The following PTPRJ variants were observed in gnomAD, a reference collection of about 807,000 sequenced individuals.
The protein encoded by PTPRJ is protein tyrosine phosphatase receptor type J.
In PTPRJ, 129 loss-of-function variants were observed where a neutral mutation model predicts 141.3. The ratio of observed to expected loss-of-function variants is 0.91; its 90% CI spans 0.79 to 1.06. PTPRJ has a LOEUF of 1.06. Ranked by LOEUF, PTPRJ falls within the 50% of genes least tolerant of loss-of-function variation. The pLI is 0.00. For missense variants in PTPRJ, 1,601 were observed against 1,679.7 expected (o/e 0.95, Z 0.82); for synonymous variants, 610 against 640.5 (o/e 0.95, Z 0.72).
At chr11:47,989,255 T>G (rs534713040) in intron 1 of PTPRJ, among the ~76,000 whole-genome samples, 202 of 151,642 alleles carry the variant, frequency 1.3e-3, no homozygotes, top group Non-Finnish European at 2.4e-3. Context: ...CTCTGCTTCT[T>G]CTTCTTTTTT....
chr11:48,026,996 C>CCT (rs1853831303), intron 1 of PTPRJ, among the ~76,000 whole-genome samples: 1 of 113,230 alleles, frequency 8.8e-6, no homozygotes, highest in African/African-American at 3.7e-5. Context: ...TTGGAATACC[C>CCT]TTTTTTTTTT....
At chr11:47,996,848 G>A (rs1590391017) in intron 1 of PTPRJ, among the ~76,000 whole-genome samples, 1 of 152,186 alleles carries the variant, frequency 6.6e-6, no homozygotes, top group African/African-American at 2.4e-5. Flanking sequence ...GGGGTGCAGG[G>A]GTGGAAGCTC....
chr11:48,128,495 C>T (rs1856896379), intron 7 of PTPRJ, among the ~76,000 whole-genome samples: 1 of 151,852 alleles, frequency 6.6e-6, no homozygotes, highest in Admixed American at 6.6e-5. Flanking sequence ...TTTAAATGTC[C>T]CTTAAAAATA....
At chr11:48,006,121 T>C (rs548722081) in intron 1 of PTPRJ, among the ~76,000 whole-genome samples, 9 of 152,290 alleles carry the variant, frequency 5.9e-5, no homozygotes, top group African/African-American at 1.4e-4. Context: ...AGAACCGCTG[T>C]GATGGGAGAA....
chr11:47,988,608 C>T (rs952324477), intron 1 of PTPRJ, among the ~76,000 whole-genome samples: 2 of 152,160 alleles, frequency 1.3e-5, no homozygotes, highest in African/African-American at 4.8e-5. Flanking sequence ...CCTGTCCCGT[C>T]ACAAATCATA....
intron 1 of PTPRJ, among the ~76,000 whole-genome samples, chr11:47,998,119 T>A (rs142064821): frequency 4.4e-4 from 67 of 151,358 alleles, no homozygotes; most frequent in African/African-American, 1.6e-3. Context: ...CTTCAATCCT[T>A]GATTTTTTTT....
At chr11:48,004,523 G>T (rs953302597) in intron 1 of PTPRJ, among the ~76,000 whole-genome samples, 8 of 152,146 alleles carry the variant, frequency 5.3e-5, no homozygotes, top group Non-Finnish European at 8.8e-5. Flanking sequence ...CAGCTTAGTT[G>T]GGGAGATAGA....
At chr11:48,119,896 G>A (rs1193848601) in intron 3 of PTPRJ, among the ~76,000 whole-genome samples, 1 of 152,198 alleles carries the variant, frequency 6.6e-6, no homozygotes, top group Non-Finnish European at 1.5e-5. Context: ...TTACTCCTCA[G>A]TCTTCAGCTC....
intron 11 of PTPRJ, among the ~76,000 whole-genome samples, chr11:48,141,965 A>ATTTTTTT (rs1857241331): frequency 6.8e-6 from 1 of 146,386 alleles, no homozygotes; most frequent in African/African-American, 2.5e-5. Flanking sequence ...AACAAATTTT[A>ATTTTTTT]CAGTGTACAG....
At chr11:48,141,328 C>T (rs558425067) in intron 11 of PTPRJ, among the ~76,000 whole-genome samples, 3 of 151,864 alleles carry the variant, frequency 2.0e-5, no homozygotes, top group South Asian at 2.1e-4. Context: ...CATACCCTGG[C>T]TTGGAAAGGG....
intron 1 of PTPRJ, among the ~76,000 whole-genome samples, chr11:48,015,608 G>A (rs1320110773): frequency 3.3e-5 from 5 of 152,048 alleles, no homozygotes; most frequent in Non-Finnish European, 7.4e-5. Flanking sequence ...CAGGTGTGGT[G>A]GTTTATGCCT....
chr11:48,126,809 C>A (rs890718539), intron 6 of PTPRJ, among the ~76,000 whole-genome samples: 11 of 127,340 alleles, frequency 8.6e-5, no homozygotes, highest in African/African-American at 3.8e-4. Context: ...CACACACACA[C>A]ACACACACAC....
chr11:48,082,174 G>A (rs1468905986), intron 1 of PTPRJ, among the ~76,000 whole-genome samples: 1 of 152,192 alleles, frequency 6.6e-6, no homozygotes, highest in Non-Finnish European at 1.5e-5. Context: ...GGCGATATGA[G>A]GAGCAGGGCA....
chr11:48,077,116 T>A (rs1290421113), intron 1 of PTPRJ, among the ~76,000 whole-genome samples: 1 of 152,176 alleles, frequency 6.6e-6, no homozygotes, highest in Non-Finnish European at 1.5e-5. Context: ...TCCACCTGGC[T>A]TGGCCTCCCA....
chr11:48,047,052 A>G (rs1040364259), intron 1 of PTPRJ, among the ~76,000 whole-genome samples: 1 of 150,344 alleles, frequency 6.7e-6, no homozygotes, highest in Non-Finnish European at 1.5e-5. Flanking sequence ...AGTAGCTGGG[A>G]TTACAGGTGC....
chr11:48,029,018 G>A (rs1393697531), intron 1 of PTPRJ, among the ~76,000 whole-genome samples: 1 of 152,256 alleles, frequency 6.6e-6, no homozygotes, highest in East Asian at 1.9e-4. Flanking sequence ...TATGTGCTGT[G>A]TGACACAGGT....
chr11:48,108,521 G>C (rs1422614730), intron 1 of PTPRJ, among the ~76,000 whole-genome samples: 1 of 152,242 alleles, frequency 6.6e-6, no homozygotes, highest in Non-Finnish European at 1.5e-5. Flanking sequence ...CTGTTACATA[G>C]TAGGTGCTTA....
At chr11:47,986,210 G>A (rs1854047733) in intron 1 of PTPRJ, among the ~76,000 whole-genome samples, 1 of 152,080 alleles carries the variant, frequency 6.6e-6, no homozygotes, top group South Asian at 2.1e-4. Context: ...ATATTTCTTT[G>A]GGGCCTCAGT....
intron 21 of PTPRJ, among the ~76,000 whole-genome samples, chr11:48,156,656 C>T (rs1053937764): frequency 3.5e-5 from 5 of 144,728 alleles, no homozygotes; most frequent in South Asian, 4.4e-4. Flanking sequence ...TGCAGTGGTG[C>T]GATCATGGCT....
Sources: gnomAD v4.1 joint callset for allele counts (sites outside exome capture counted in the v4.1 genomes callset) on GRCh38, gnomAD v4.1.1 for gene constraint, MANE v1.5 for transcripts, NCBI Gene and HGNC (gene_info 2026-07-23, HGNC 2026-07-21) for gene names.